Variants in WNT4 observed in about 807,000 individuals in gnomAD.
WNT4 encodes Wnt family member 4.
In WNT4, 16 loss-of-function variants were observed where a neutral mutation model predicts 34.5. That is an observed-to-expected ratio of 0.46 (90% CI 0.31 to 0.70). The LOEUF is 0.70. WNT4 is among the 30% of genes least tolerant of loss of function. WNT4 has a pLI of 0.04. For synonymous variants in WNT4, 200 were observed against 211.9 expected, an observed-to-expected ratio of 0.94 and a Z score of 0.49; for missense variants, 379 against 495.9, an observed-to-expected ratio of 0.76 and a Z score of 2.24.
In WNT4 at chr1:22,134,480, G is replaced by C. The variant is rs1646007112; in HGVS notation, c.78-4629C>G. ...GTATCCTGCTGTGCTCCCCCTGATG[G>C]TGCCCTAGCCTTGGAGACCCTTGTC... On this transcript the variant is annotated intron_variant, in intron 1 of 4. Coordinates refer to ENST00000290167, the MANE Select transcript of WNT4 (RefSeq NM_030761.5). The surrounding 1 kb of genome is among the most constrained non-coding windows in gnomAD (Gnocchi z 4.1). 6.6e-6 allele frequency among the ~76,000 whole-genome samples: 1 copy of C among 152,170 alleles called. No homozygotes were observed.
At chr1:22,132,852 CCT>C (rs1236545195) in intron 1 of WNT4, among the ~76,000 whole-genome samples, 2 of 152,296 alleles carry the variant, frequency 1.3e-5, no homozygotes, top group Admixed American at 6.5e-5. Context: ...CATCCCCACC[CCT>C]GTTCCCCCAG....
rs1049509207 is a variant in WNT4, at chr1:22,119,985, A to G, written c.*65T>C. ...TATCTCTTGGGGTAGGTGGTGGGAGACTGTTTAAATTATCGGCCTTCCCTG... is the reference window on the plus strand; with the variant it reads ...TATCTCTTGGGGTAGGTGGTGGGAGGCTGTTTAAATTATCGGCCTTCCCTG... On this transcript the variant is annotated 3_prime_UTR_variant, in exon 5 of 5. Transcript: ENST00000290167. 1.1e-5 allele frequency: 17 copies of G among 1,564,082 alleles called. No homozygotes were observed. In the Admixed American group the frequency reaches 2.9e-4, roughly 26 times the overall value.
At chr1:22,128,943 ATC>A (rs1184698303) in intron 2 of WNT4, among the ~76,000 whole-genome samples, 1 of 152,022 alleles carries the variant, frequency 6.6e-6, no homozygotes, top group East Asian at 1.9e-4. Flanking sequence ...GATGGTGTCG[ATC>A]TCCTGACCTC....
At position 22,139,940 on chromosome 1, in the gene WNT4, C is replaced by T. The variant is rs1646052988; in HGVS notation, c.77+2906G>A. 6.6e-6 allele frequency among the ~76,000 whole-genome samples: 1 copy of T among 152,248 alleles called. No homozygotes were observed. The highest frequency in any genetic ancestry group is 2.1e-4 in the South Asian group (1 of 4,834). On this transcript the variant is annotated intron_variant, in intron 1 of 4. Transcript: ENST00000290167. The surrounding 1 kb of genome is among the most constrained non-coding windows in gnomAD (Gnocchi z 4.6). ...CGAGAGTCTAATCAACAGCTCCCAGCTTCTCTGGGCCTGCCCAGGCCTCAG... is the reference window on the plus strand; with the variant it reads ...CGAGAGTCTAATCAACAGCTCCCAGTTTCTCTGGGCCTGCCCAGGCCTCAG...
In WNT4 at chr1:22,142,378, CCGCAGCGCGG is replaced by C. The variant is rs1238313299; in HGVS notation, c.77+458_77+467del. ...GGTCCCTGCACGCCTCCAGCCCAGCCCGCAGCGCGGCGCAGCTCGGCGCAGCTCGGCGCTG... is the reference window on the plus strand; with the variant it reads ...GGTCCCTGCACGCCTCCAGCCCAGCCCGCAGCTCGGCGCAGCTCGGCGCTG... On this transcript the variant is annotated intron_variant, in intron 1 of 4. Transcript: ENST00000290167. This position sits in a 1 kb window ranked among gnomAD's most constrained non-coding sequence, Gnocchi z 6.0. 6.8e-6 allele frequency among the ~76,000 whole-genome samples: 1 copy of C among 147,560 alleles called. No homozygotes were observed. Among genetic ancestry groups the C allele is most frequent in the Non-Finnish European group, 1.5e-5 (1 of 65,050 alleles).
intron 1 of WNT4, among the ~76,000 whole-genome samples, chr1:22,136,324 C>G (rs1393610228): frequency 1.3e-5 from 2 of 152,202 alleles, no homozygotes; most frequent in African/African-American, 4.8e-5. Context: ...CCCATCCGAC[C>G]TGTGTCCCCA....
intron 1 of WNT4, among the ~76,000 whole-genome samples, chr1:22,138,250 C>T (rs369948627): frequency 2.6e-5 from 4 of 152,300 alleles, no homozygotes; most frequent in African/African-American, 4.8e-5. Context: ...AGTCATTGCA[C>T]GTCTGGGCCT....
At chr1:22,123,049 TGTTG>T (rs1213735850) in intron 2 of WNT4, among the ~76,000 whole-genome samples, 1 of 152,200 alleles carries the variant, frequency 6.6e-6, no homozygotes, top group East Asian at 1.9e-4. Context: ...AGCAGGATCA[TGTTG>T]GTTGGTTTTA....
intron 1 of WNT4, 100 bp from the exon 2 acceptor site, chr1:22,129,951 T>C: frequency 4.4e-6 from 6 of 1,376,898 alleles, no homozygotes; most frequent in Non-Finnish European, 6.2e-6. Context: ...AACTGACTCG[T>C]CCCAGTGACT....
chr1:22,141,400 C>T (rs1425023957), intron 1 of WNT4, among the ~76,000 whole-genome samples: 2 of 152,112 alleles, frequency 1.3e-5, no homozygotes, highest in Non-Finnish European at 2.9e-5. Flanking sequence ...GAACCAGCTC[C>T]AGGGACACCC....
At position 22,142,824 on chromosome 1, in the gene WNT4, G is replaced by A. The variant is rs1391321109; in HGVS notation, c.77+22C>T. On this transcript the variant is annotated intron_variant, in intron 1 of 4. Coordinates refer to ENST00000290167, the MANE Select transcript of WNT4 (RefSeq NM_030761.5). The surrounding 1 kb of genome is among the most constrained non-coding windows in gnomAD (Gnocchi z 6.0). ...GGCCTGCCCCGCCCCGCCCCGCCCC[G>A]CTCGGCCCCGGCCAGACTTACAGCC... 9 of 1,156,030 alleles carry A rather than the reference G, an allele frequency of 7.8e-6. No individual in the cohort carries two copies. The Admixed American group carries it at 1.2e-4, about 15-fold the overall frequency. The allele number at this position is 1,156,030 out of a possible 1,614,324, so 71.6% of individuals were successfully genotyped here. A position where few individuals can be genotyped will look rare whatever the true frequency, so the allele number is the denominator to read the frequency against.
Position 22,119,759 on chromosome 1 carries a change from G to T in WNT4, c.*291C>A, listed in dbSNP as rs748876935. ...CCTTAGGTCTGCAAGTAGAAAAACG[G>T]ACACAGATAACAACTGAGTGGTCAG... On this transcript the variant is annotated 3_prime_UTR_variant, in exon 5 of 5. Transcript: ENST00000290167. The T allele has an allele frequency of 1.7e-5, 9 of 525,876 alleles. No homozygotes were observed. The highest frequency in any genetic ancestry group is 2.8e-5 in the Non-Finnish European group (8 of 289,940). The allele number at this position is 525,876 out of a possible 1,614,324, so 32.6% of individuals were successfully genotyped here. A position where few individuals can be genotyped will look rare whatever the true frequency, so the allele number is the denominator to read the frequency against.
Position 22,121,371 on chromosome 1 carries a change from CAGAA to C in WNT4, c.446-22_446-19del. 6.2e-7 allele frequency: 1 copy of C among 1,614,036 alleles called. No individual in the cohort carries two copies. Among genetic ancestry groups the C allele is most frequent in the Non-Finnish European group, 8.5e-7 (1 of 1,180,030 alleles). Reference sequence around the variant, plus strand: ...CTGGAAGCCTGGGGTGTGGTGGGCACAGAAAGGGCTGCGGTGAGTGAGGGCCAGG... The same window carrying C: ...CTGGAAGCCTGGGGTGTGGTGGGCACAGGGCTGCGGTGAGTGAGGGCCAGG... On this transcript the variant is annotated intron_variant, in intron 3 of 4. Coordinates refer to ENST00000290167, the MANE Select transcript of WNT4 (RefSeq NM_030761.5).
intron 2 of WNT4, 40 bp downstream of exon 2, chr1:22,129,576 A>ACCGCAGGCTCCCCTGCAGCC (rs780410365): frequency 6.3e-7 from 1 of 1,589,576 alleles, no homozygotes; most frequent in South Asian, 1.1e-5. Flanking sequence ...ATGCCCTGGC[A>ACCGCAGGCTCCCCTGCAGCC]CCGCAGGCTC....
rs1442911995 is a variant in WNT4 at position 22,142,334 on chromosome 1, C to T, written c.77+512G>A. ...GTCCCTTCCTTCTGTCTCCGGCTCC[C>T]GCCCCCCAAGCAGAAACAGGTCCCT... On this transcript the variant is annotated intron_variant, in intron 1 of 4. Coordinates refer to ENST00000290167, the MANE Select transcript of WNT4 (RefSeq NM_030761.5). The surrounding 1 kb of genome is among the most constrained non-coding windows in gnomAD (Gnocchi z 6.0). 6.6e-6 allele frequency among the ~76,000 whole-genome samples: 1 copy of T among 152,110 alleles called. No individual in the cohort carries two copies. The highest frequency in any genetic ancestry group is 1.5e-5 in the Non-Finnish European group (1 of 68,018).
intron 4 of WNT4, among the ~76,000 whole-genome samples, chr1:22,120,945 G>A (rs1429304022): frequency 6.6e-6 from 1 of 152,132 alleles, no homozygotes; most frequent in Non-Finnish European, 1.5e-5. Flanking sequence ...GAATGAGTGT[G>A]TGTGAGAGAC....
In WNT4 at chr1:22,120,046, G is replaced by A. The variant is rs1202021502; in HGVS notation, c.*4C>T. The A allele has an allele frequency of 7.5e-6, 12 of 1,605,954 alleles. No individual in the cohort carries two copies. Among genetic ancestry groups the A allele is most frequent in the Non-Finnish European group, 1.0e-5 (12 of 1,179,608 alleles). ...TGGTTGCCGGCGCAGGGCTAGGCAG[G>A]CGGTCATCGGCACGTGTGCAACTCC... On this transcript the variant is annotated 3_prime_UTR_variant, in exon 5 of 5. Transcript: ENST00000290167.
rs1332115037 is a variant in WNT4 at position 22,139,156 on chromosome 1, C to G, written c.77+3690G>C. On this transcript the variant is annotated intron_variant, in intron 1 of 4. Transcript: ENST00000290167. This position sits in a 1 kb window ranked among gnomAD's most constrained non-coding sequence, Gnocchi z 4.6. ...TCTGGGTGGGACAGCCTGGGATAAA[C>G]AGGGCTTGGGAGCAGCAGCCTGAAG... Among the ~76,000 whole-genome samples, 1 of 152,138 alleles carries G rather than the reference C, an allele frequency of 6.6e-6. No homozygotes were observed. The highest frequency in any genetic ancestry group is 6.5e-5 in the Admixed American group (1 of 15,282).
In WNT4 at chr1:22,139,645, G is replaced by T. The variant is rs1022532474; in HGVS notation, c.77+3201C>A. Among the ~76,000 whole-genome samples, 1 of 152,186 alleles carries T rather than the reference G, an allele frequency of 6.6e-6. No homozygotes were observed. The highest frequency in any genetic ancestry group is 1.5e-5 in the Non-Finnish European group (1 of 68,042). On this transcript the variant is annotated intron_variant, in intron 1 of 4. Coordinates refer to ENST00000290167, the MANE Select transcript of WNT4 (RefSeq NM_030761.5). The surrounding 1 kb of genome is among the most constrained non-coding windows in gnomAD (Gnocchi z 4.6). ...AGCACTTCCATTTGGGGTTCAGAAC[G>T]ATCTGCTGAGGACTGTGGCCCCAAG...
Sources: allele counts gnomAD v4.1 joint callset (sites outside exome capture counted in the v4.1 genomes callset), GRCh38; gene constraint gnomAD v4.1.1; non-coding constraint Gnocchi (gnomAD v3.1); transcripts MANE v1.5; gene names NCBI Gene and HGNC (gene_info 2026-07-23, HGNC 2026-07-21).